GALNT1: variants seen among roughly 807,000 people sequenced by gnomAD.
GALNT1 encodes the protein GalNAc transferase 1.
Under a neutral mutation model 65.7 loss-of-function variants are expected in GALNT1, and 17 were observed. That is an observed-to-expected ratio of 0.26 (90% CI 0.18 to 0.39). GALNT1 has a LOEUF of 0.39. Among genes scored for constraint, GALNT1 ranks in the 10% least tolerant of loss-of-function variants. The pLI is 1.00. For synonymous variants in GALNT1, 210 were observed against 219.7 expected (o/e 0.96, Z 0.39); for missense variants, 460 against 672.8 (o/e 0.68, Z 3.50).
intron 11 of GALNT1, among the ~76,000 whole-genome samples, chr18:35,706,981 C>T (rs1414743135): frequency 3.3e-5 from 5 of 152,010 alleles, no homozygotes; most frequent in Non-Finnish European, 7.4e-5. Flanking sequence ...ATTAATTTCC[C>T]AAGGAAATTA....
At chr18:35,690,963 T>A (rs1463626829) in intron 7 of GALNT1, 49 bp from the exon 8 acceptor site, 1 of 1,452,160 alleles carries the variant, frequency 6.9e-7, no homozygotes, top group Non-Finnish European at 9.2e-7. Flanking sequence ...AGGTGAACAT[T>A]TCCTGATTAC....
At chr18:35,605,884 G>A (rs1444115822) in intron 1 of GALNT1, among the ~76,000 whole-genome samples, 1 of 152,134 alleles carries the variant, frequency 6.6e-6, no homozygotes, top group East Asian at 1.9e-4. Context: ...TTAAGGTACT[G>A]TTCTTTTTAG....
At chr18:35,621,240 G>GATGTCTTT (rs1436172799) in intron 1 of GALNT1, among the ~76,000 whole-genome samples, 79 of 125,966 alleles carry the variant, frequency 6.3e-4, no homozygotes, top group African/African-American at 1.3e-3. Flanking sequence ...GTGCAGTAGT[G>GATGTCTTT]GGATCACAGC....
chr18:35,663,754 G>C lies in GALNT1; in HGVS notation c.266G>C (p.Ser89Thr), dbSNP rs2047508543. 1 of 1,613,894 alleles carries C rather than the reference G, an allele frequency of 6.2e-7. No homozygotes were observed. The highest frequency in any genetic ancestry group is 1.7e-5 in the Admixed American group (1 of 60,004). Reference sequence around the variant, plus strand: ...ATCAATCAGTTCAATTTAATGGCAAGTGAGATGATTGCACTCAACAGATCT... The same window carrying C: ...ATCAATCAGTTCAATTTAATGGCAACTGAGATGATTGCACTCAACAGATCT... ...FKINQFNLMA[S>T]EMIALNRSLP... Residue 89 changes from serine (S) to threonine (T), a missense_variant, in exon 3 of 12, where the codon AGT becomes ACT. Ser to Thr is a moderately conservative substitution (Grantham distance 58). Transcript: ENST00000269195.
intron 4 of GALNT1, among the ~76,000 whole-genome samples, chr18:35,681,484 T>C (rs1002288315): frequency 4.0e-5 from 6 of 149,178 alleles, no homozygotes; most frequent in African/African-American, 1.5e-4. Context: ...CACAGAATCA[T>C]GCATTTTTTT....
chr18:35,666,344 G>T (rs1598799893), intron 3 of GALNT1, among the ~76,000 whole-genome samples: 1 of 152,152 alleles, frequency 6.6e-6, no homozygotes. Context: ...CTGGCAAGTT[G>T]ATTAAGTGGA....
At chr18:35,600,878 G>C (rs1176478612) in intron 1 of GALNT1, among the ~76,000 whole-genome samples, 1 of 152,092 alleles carries the variant, frequency 6.6e-6, no homozygotes, top group East Asian at 1.9e-4. Flanking sequence ...ACGTTCATCA[G>C]GGATATTGGT....
chr18:35,685,927 T>C (rs2047860712), intron 5 of GALNT1, among the ~76,000 whole-genome samples: 1 of 151,908 alleles, frequency 6.6e-6, no homozygotes, highest in Admixed American at 6.6e-5. Flanking sequence ...AATTAGGCAG[T>C]CGTGGTGGTG....
intron 1 of GALNT1, among the ~76,000 whole-genome samples, chr18:35,582,414 A>G (rs1048430232): frequency 1.3e-5 from 2 of 152,242 alleles, no homozygotes; most frequent in Non-Finnish European, 2.9e-5. Context: ...CTCATCCATA[A>G]TCAATACGTT....
At chr18:35,590,116 G>A (rs1032573282) in intron 1 of GALNT1, among the ~76,000 whole-genome samples, 3 of 152,146 alleles carry the variant, frequency 2.0e-5, no homozygotes, top group Non-Finnish European at 4.4e-5. Context: ...ATGGATTTTT[G>A]TAGGGACACC....
At chr18:35,651,857 G>T (rs892552198) in intron 1 of GALNT1, among the ~76,000 whole-genome samples, 1 of 152,034 alleles carries the variant, frequency 6.6e-6, no homozygotes, top group Non-Finnish European at 1.5e-5. Flanking sequence ...GCAATGGGTC[G>T]TGCAAATTAA....
intron 1 of GALNT1, among the ~76,000 whole-genome samples, chr18:35,601,123 C>T (rs1055158716): frequency 2.6e-5 from 4 of 151,960 alleles, no homozygotes; most frequent in Non-Finnish European, 5.9e-5. Context: ...AATCTTGTTA[C>T]TTTTGATTGG....
intron 10 of GALNT1, 40 bp from the exon 11 acceptor site, chr18:35,703,469 T>C: frequency 6.3e-7 from 1 of 1,589,212 alleles, no homozygotes; most frequent in South Asian, 1.1e-5. Flanking sequence ...TGCTGACTAA[T>C]TTATTTTTTC....
Position 35,709,915 on chromosome 18 carries a change from C to A in GALNT1, c.*145C>A. 1 of 909,822 alleles carries A rather than the reference C, an allele frequency of 1.1e-6. No homozygotes were observed. The highest frequency in any genetic ancestry group is 1.6e-6 in the Non-Finnish European group (1 of 619,178). The allele number at this position is 909,822 out of a possible 1,614,324, so 56.4% of individuals were successfully genotyped here. A position where few individuals can be genotyped will look rare whatever the true frequency, so the allele number is the denominator to read the frequency against. ...GGTTTATCAGCCATTAAAACTTAGA[C>A]TTCTCTAGCTTTTCACTAGCTGTGA... On this transcript the variant is annotated 3_prime_UTR_variant, in exon 12 of 12. Coordinates refer to ENST00000269195, the MANE Select transcript of GALNT1 (RefSeq NM_020474.4).
At chr18:35,670,122 C>T (rs984028447) in intron 3 of GALNT1, among the ~76,000 whole-genome samples, 2 of 151,962 alleles carry the variant, frequency 1.3e-5, no homozygotes, top group Non-Finnish European at 2.9e-5. Context: ...GAGACCCCAT[C>T]TCTACAAAAA....
intron 3 of GALNT1, among the ~76,000 whole-genome samples, chr18:35,669,812 C>T (rs547479248): frequency 6.6e-6 from 1 of 152,264 alleles, no homozygotes; most frequent in Non-Finnish European, 1.5e-5. Flanking sequence ...TGTTCAGTGT[C>T]TTACTGGAGG....
chr18:35,647,663 T>C (rs1169016222), intron 1 of GALNT1, among the ~76,000 whole-genome samples: 1 of 152,180 alleles, frequency 6.6e-6, no homozygotes, highest in East Asian at 1.9e-4. Context: ...GTAAAACTAG[T>C]GATCCTGGCT....
chr18:35,649,150 G>A (rs893324056), intron 1 of GALNT1, among the ~76,000 whole-genome samples: 2 of 152,212 alleles, frequency 1.3e-5, no homozygotes, highest in Non-Finnish European at 2.9e-5. Context: ...GTTTTCCAGA[G>A]AGGCTGTACC....
At chr18:35,666,435 A>G (rs752105768) in intron 3 of GALNT1, among the ~76,000 whole-genome samples, 5 of 152,176 alleles carry the variant, frequency 3.3e-5, no homozygotes, top group Admixed American at 1.3e-4. Context: ...TGTTGAAGAA[A>G]ACTATAGACT....
Sources: gnomAD v4.1 joint callset for allele counts (sites outside exome capture counted in the v4.1 genomes callset) on GRCh38, gnomAD v4.1.1 for gene constraint, MANE v1.5 for transcripts, NCBI Gene and HGNC (gene_info 2026-07-23, HGNC 2026-07-21) for gene names.